The following HYLS1 variants were observed in gnomAD, a reference collection of about 807,000 sequenced individuals.
HYLS1 encodes the protein centriolar and ciliogenesis-associated protein HYLS1.
Under a neutral mutation model 29.4 loss-of-function variants are expected in HYLS1, and 25 were observed. The ratio of observed to expected loss-of-function variants is 0.85; its 90% CI spans 0.62 to 1.19. The LOEUF (loss-of-function observed/expected upper bound fraction) is 1.19. Among genes scored for constraint, HYLS1 ranks in the 50% most tolerant of loss-of-function variants. The pLI, the probability that HYLS1 is intolerant of heterozygous loss-of-function variation, is 0.00. For missense variants in HYLS1, 352 were observed against 365.1 expected, an observed-to-expected ratio of 0.96 and a Z score of 0.29; for synonymous variants, 128 against 126.7, an observed-to-expected ratio of 1.01 and a Z score of -0.07.
chr11:125,886,193 A>AG (rs1944301787), upstream of HYLS1, among the ~76,000 whole-genome samples: 2 of 152,144 alleles, frequency 1.3e-5, no homozygotes, highest in Non-Finnish European at 1.5e-5. Context: ...TTGCAGATGT[A>AG]GGGGCAGTCA....
upstream of HYLS1, among the ~76,000 whole-genome samples, chr11:125,884,738 G>T (rs1944279912): frequency 6.6e-6 from 1 of 152,174 alleles, no homozygotes; most frequent in South Asian, 2.1e-4. Flanking sequence ...ACAAGACAAG[G>T]TATGTGGTGA....
chr11:125,887,428 C>T (rs969685074), upstream of HYLS1: 8 of 152,396 alleles, frequency 5.2e-5, no homozygotes, highest in African/African-American at 1.9e-4. Flanking sequence ...CGGCTGCTGC[C>T]TGCGCGCCTC....
At chr11:125,893,998 A>G in intron 2 of HYLS1, 1 of 1,614,114 alleles carries the variant, frequency 6.2e-7, no homozygotes. Flanking sequence ...TGAGGGGCTT[A>G]TATGTGCGCA....
At chr11:125,895,422 A>C in intron 2 of HYLS1, 1 of 1,614,068 alleles carries the variant, frequency 6.2e-7, no homozygotes, top group Non-Finnish European at 8.5e-7. Flanking sequence ...GCTCTGGCCC[A>C]CTAGCTGTAC....
intron 1 of HYLS1, among the ~76,000 whole-genome samples, chr11:125,889,699 C>T (rs559625866): frequency 2.0e-5 from 3 of 152,008 alleles, no homozygotes; most frequent in African/African-American, 4.8e-5. Flanking sequence ...ATCAGGCCAC[C>T]GCAACTCCAG....
intron 2 of HYLS1, among the ~76,000 whole-genome samples, chr11:125,892,029 TG>T (rs1238423506): frequency 1.3e-5 from 2 of 152,188 alleles, no homozygotes; most frequent in African/African-American, 4.8e-5. Flanking sequence ...GTCTTGAACA[TG>T]GGTAGGAAAA....
In HYLS1 at chr11:125,887,745, G is replaced by A. The variant is rs1256871691; in HGVS notation, c.-96G>A. Reference sequence around the variant, plus strand: ...GGCGACTGGCAGGACGCGGTGCAGAGAGCGGACTTCCGCGACGCGGGTAAG... The same window carrying A: ...GGCGACTGGCAGGACGCGGTGCAGAAAGCGGACTTCCGCGACGCGGGTAAG... On this transcript the variant is annotated 5_prime_UTR_variant, in exon 1 of 3. Transcript: ENST00000425380. The A allele has an allele frequency of 6.6e-6, 1 of 152,308 alleles. No individual in the cohort carries two copies. The highest frequency in any genetic ancestry group is 1.5e-5 in the Non-Finnish European group (1 of 68,072). 9.4% of individuals were successfully genotyped at this position (152,308 alleles called of 1,614,324 possible).
intron 2 of HYLS1, among the ~76,000 whole-genome samples, chr11:125,894,527 A>G (rs1373067461): frequency 1.3e-5 from 2 of 152,232 alleles, no homozygotes; most frequent in Non-Finnish European, 2.9e-5. Flanking sequence ...AGTGCTAACA[A>G]GACATGGCTC....
In HYLS1 at chr11:125,900,073, G is replaced by C. The variant is rs1000616545; in HGVS notation, c.705G>C (p.Lys235Asn). ...SIRLPGEDHR[K>N]ELRWGVREQM... is the part of the protein sequence containing the mutation. ...GTTTACCTGGTGAAGATCATAGAAA[G>C]GAATTACGCTGGGGTGTCCGAGAGC... The change falls in exon 3 of 3, where the codon AAG (lysine) becomes AAC (asparagine). Residue 235 changes from lysine (K) to asparagine (N), a missense_variant. Coordinates refer to ENST00000425380, the MANE Select transcript of HYLS1 (RefSeq NM_001134793.2). The C allele has an allele frequency of 2.5e-6, 4 of 1,614,076 alleles. No individual in the cohort carries two copies. The African/African-American group carries it at 5.3e-5, about 22-fold the overall frequency.
rs1203009227 is a variant in HYLS1 at position 125,899,352 on chromosome 11, A to G, written c.-17A>G. 1 of 1,612,594 alleles carries G rather than the reference A, an allele frequency of 6.2e-7. No homozygotes were observed. Among genetic ancestry groups the G allele is most frequent in the Admixed American group, 1.7e-5 (1 of 59,996 alleles). On this transcript the variant is annotated 5_prime_UTR_variant, in exon 3 of 3. Transcript: ENST00000425380. Reference sequence around the variant, plus strand: ...AATGTTATCTCTTGCAGAAGGTCCTACAGTGTAGGGGAAGCAATGGAAGAA... The same window carrying G: ...AATGTTATCTCTTGCAGAAGGTCCTGCAGTGTAGGGGAAGCAATGGAAGAA...
chr11:125,896,211 A>G (rs1300700932), intron 2 of HYLS1: 35 of 1,613,998 alleles, frequency 2.2e-5, no homozygotes, highest in Non-Finnish European at 2.8e-5. Context: ...AAGTCTTTGC[A>G]CCTCTTGCTC....
intron 2 of HYLS1, chr11:125,896,441 A>C: frequency 1.3e-6 from 1 of 755,526 alleles, no homozygotes; most frequent in Non-Finnish European, 2.1e-6. Context: ...TTGCTTTTCC[A>C]GGAATACAAG....
At chr11:125,890,425 G>A (rs1944389837) in intron 1 of HYLS1, among the ~76,000 whole-genome samples, 1 of 152,128 alleles carries the variant, frequency 6.6e-6, no homozygotes, top group Non-Finnish European at 1.5e-5. Context: ...TTGCCTTTGT[G>A]GTAGGATGTT....
intron 2 of HYLS1, chr11:125,896,260 TTCTG>T (rs769857011): frequency 1.2e-6 from 2 of 1,612,150 alleles, no homozygotes; most frequent in African/African-American, 2.7e-5. Flanking sequence ...TCAGTCTGGT[TTCTG>T]TCTGTGTCAT....
Position 125,894,017 on chromosome 11 carries a change from CCTT to C in HYLS1, c.-26+2548_-26+2550del, listed in dbSNP as rs763665786. ...GGGCTTATATGTGCGCATCTTCACTCCTTCTACAAAGGCACTGGTCTGCTTTAT... is the reference window on the plus strand; with the variant it reads ...GGGCTTATATGTGCGCATCTTCACTCCTACAAAGGCACTGGTCTGCTTTAT... On this transcript the variant is annotated intron_variant, in intron 2 of 2. Coordinates refer to ENST00000425380, the MANE Select transcript of HYLS1 (RefSeq NM_001134793.2). The C allele has an allele frequency of 8.7e-6, 14 of 1,614,090 alleles. No individual in the cohort carries two copies. Among genetic ancestry groups the C allele is most frequent in the Middle Eastern group, 1.6e-4 (1 of 6,084 alleles).
upstream of HYLS1, chr11:125,887,379 C>G (rs540051325): frequency 1.3e-5 from 2 of 152,374 alleles, no homozygotes; most frequent in East Asian, 3.9e-4. Flanking sequence ...AGGGCCCAAC[C>G]TCCCCTCCAG....
chr11:125,898,578 TAGAC>T (rs1055476082), intron 2 of HYLS1, among the ~76,000 whole-genome samples: 7 of 151,834 alleles, frequency 4.6e-5, no homozygotes, highest in South Asian at 2.1e-4. Context: ...TCCGGAGTCT[TAGAC>T]AGGATAATCG....
At chr11:125,895,363 C>T in intron 2 of HYLS1, 1 of 1,614,214 alleles carries the variant, frequency 6.2e-7, no homozygotes, top group Non-Finnish European at 8.5e-7. Context: ...TGGCCAGTCA[C>T]TTCAAACTGA....
rs760388392 is a variant in HYLS1 at position 125,899,495 on chromosome 11, G to C, written c.127G>C (p.Ala43Pro). ...GGGTGAAGGAGATGTCAGGAGAGAA[G>C]CCCAATCTATCCAATATGATCCCTA... is the stretch of plus-strand genomic sequence containing the variant. The part of the protein sequence containing the change: ...GQGEGDVRRE[A>P]QSIQYDPYSK... Residue 43 changes from alanine (A) to proline (P), a missense_variant, in exon 3 of 3, where the codon GCC (alanine) becomes CCC (proline). Coordinates refer to ENST00000425380, the MANE Select transcript of HYLS1 (RefSeq NM_001134793.2). 6.2e-7 allele frequency: 1 copy of C among 1,614,144 alleles called. No homozygotes were observed. Among genetic ancestry groups the C allele is most frequent in the Non-Finnish European group, 8.5e-7 (1 of 1,180,014 alleles).
Sources: gnomAD v4.1 joint callset for allele counts (sites outside exome capture counted in the v4.1 genomes callset) on GRCh38, gnomAD v4.1.1 for gene constraint, MANE v1.5 for transcripts, NCBI Gene and HGNC (gene_info 2026-07-23, HGNC 2026-07-21) for gene names.